The following RANBP2 variants were observed in gnomAD, a reference collection of about 807,000 sequenced individuals.
RANBP2 encodes RAN binding protein 2.
Under a neutral mutation model 303.6 loss-of-function variants are expected in RANBP2, and 57 were observed. That is an observed-to-expected ratio of 0.19 (90% CI 0.15 to 0.23). RANBP2 has a LOEUF of 0.23. Ranked by LOEUF, RANBP2 falls within the 10% of genes least tolerant of loss-of-function variation. RANBP2 has a pLI of 1.00. For synonymous variants in RANBP2, 1,167 were observed against 1,301.5 expected, an observed-to-expected ratio of 0.90 and a Z score of 2.23; for missense variants, 3,138 against 3,780.8, an observed-to-expected ratio of 0.83 and a Z score of 4.46.
the RANBP2 span, among the ~76,000 whole-genome samples, chr2:109,518,342 C>A: frequency 6.6e-6 from 1 of 152,196 alleles, no homozygotes; most frequent in Non-Finnish European, 1.5e-5. Context: ...CATCATCTCA[C>A]TTTACAAGCA....
the RANBP2 span, among the ~76,000 whole-genome samples, chr2:109,224,513 G>A: frequency 6.6e-6 from 1 of 152,182 alleles, no homozygotes; most frequent in Non-Finnish European, 1.5e-5. Flanking sequence ...CCAGCCACAG[G>A]TGACTACTGA....
the RANBP2 span, chr2:108,897,018 G>A: frequency 1.2e-6 from 2 of 1,614,044 alleles, no homozygotes; most frequent in South Asian, 1.1e-5. Flanking sequence ...CCAGTTTTGT[G>A]AGTAGCTCAG....
the RANBP2 span, among the ~76,000 whole-genome samples, chr2:109,496,244 C>T: frequency 6.6e-6 from 1 of 152,058 alleles, no homozygotes; most frequent in Non-Finnish European, 1.5e-5. Flanking sequence ...TTTTACAGAG[C>T]ACTAATTGCT....
chr2:109,390,039 A>G, the RANBP2 span, among the ~76,000 whole-genome samples: 1 of 152,150 alleles, frequency 6.6e-6, no homozygotes, highest in African/African-American at 2.4e-5. Context: ...CTCAGGTTAA[A>G]AATGGCCAGA....
the RANBP2 span, among the ~76,000 whole-genome samples, chr2:109,707,194 T>C: frequency 6.6e-6 from 1 of 152,226 alleles, no homozygotes; most frequent in African/African-American, 2.4e-5. Context: ...TTGCAGGAAA[T>C]TGATGTTTAC....
the RANBP2 span, among the ~76,000 whole-genome samples, chr2:109,669,250 C>G: frequency 6.6e-6 from 1 of 152,264 alleles, no homozygotes; most frequent in South Asian, 2.1e-4. Flanking sequence ...TGGAAACACT[C>G]CAAGACACTG....
chr2:109,439,438 A>C, the RANBP2 span, among the ~76,000 whole-genome samples: 1 of 152,168 alleles, frequency 6.6e-6, no homozygotes, highest in South Asian at 2.1e-4. Context: ...GAGAAAAAAC[A>C]CTGTTGACAG....
chr2:108,948,946 C>T, the RANBP2 span, among the ~76,000 whole-genome samples: 1 of 152,074 alleles, frequency 6.6e-6, no homozygotes. Flanking sequence ...AGTGAGACCC[C>T]CATCACTAAA....
chr2:109,638,344 T>G, the RANBP2 span, among the ~76,000 whole-genome samples: 3 of 152,154 alleles, frequency 2.0e-5, no homozygotes, highest in Non-Finnish European at 2.9e-5. Flanking sequence ...TCTCTGAAAA[T>G]AGTTTCAAAT....
At chr2:109,108,621 T>C in the RANBP2 span, among the ~76,000 whole-genome samples, 1 of 152,200 alleles carries the variant, frequency 6.6e-6, no homozygotes, top group East Asian at 1.9e-4. Flanking sequence ...ACGTTTCTCT[T>C]GTGCCAACCC....
At chr2:109,035,480 C>A in the RANBP2 span, among the ~76,000 whole-genome samples, 5 of 151,694 alleles carry the variant, frequency 3.3e-5, no homozygotes, top group African/African-American at 4.8e-5. Flanking sequence ...TTCCTTATCA[C>A]CCCCCACCCC....
chr2:108,761,519 C>G (rs1289761715), intron 18 of RANBP2, among the ~76,000 whole-genome samples: 1 of 152,158 alleles, frequency 6.6e-6, no homozygotes, highest in Non-Finnish European at 1.5e-5. Context: ...ACACACAAAA[C>G]AGAGGGAGCA....
chr2:109,353,865 G>A, the RANBP2 span, among the ~76,000 whole-genome samples: 5 of 152,076 alleles, frequency 3.3e-5, no homozygotes, highest in Admixed American at 2.0e-4. Flanking sequence ...ACCTGTGGCC[G>A]CAGGTTCCCC....
At chr2:109,439,793 G>C in the RANBP2 span, among the ~76,000 whole-genome samples, 2 of 151,900 alleles carry the variant, frequency 1.3e-5, no homozygotes, top group African/African-American at 2.4e-5. Context: ...TGGAAACAGA[G>C]GAAAACCAGA....
the RANBP2 span, among the ~76,000 whole-genome samples, chr2:109,657,564 ATTTT>A: frequency 7.3e-6 from 1 of 137,348 alleles, no homozygotes; most frequent in East Asian, 2.2e-4. Context: ...TGTAATATTT[ATTTT>A]AAGTTGGAGT....
chr2:109,445,870 C>T, the RANBP2 span, among the ~76,000 whole-genome samples: 7 of 152,024 alleles, frequency 4.6e-5, no homozygotes, highest in Non-Finnish European at 1.5e-5. Flanking sequence ...TATTCATTCC[C>T]CTATCATTTA....
the RANBP2 span, among the ~76,000 whole-genome samples, chr2:109,536,666 T>C: frequency 6.6e-6 from 1 of 152,078 alleles, no homozygotes; most frequent in Non-Finnish European, 1.5e-5. Flanking sequence ...GGTTTTGAAA[T>C]GTGAGGATGT....
At chr2:109,415,709 G>T in the RANBP2 span, among the ~76,000 whole-genome samples, 1 of 152,238 alleles carries the variant, frequency 6.6e-6, no homozygotes, top group Middle Eastern at 3.4e-3. Context: ...ATCCCGTGGG[G>T]ATACTGCCCC....
the RANBP2 span, among the ~76,000 whole-genome samples, chr2:108,973,292 C>T: frequency 5.9e-3 from 893 of 151,894 alleles, 4 homozygotes; most frequent in Middle Eastern, 0.01. Flanking sequence ...CTGGCCTCAG[C>T]ATGTGTGTAT....
Sources: gnomAD v4.1 joint callset for allele counts (sites outside exome capture counted in the v4.1 genomes callset) on GRCh38, gnomAD v4.1.1 for gene constraint, MANE v1.5 for transcripts, NCBI Gene and HGNC (gene_info 2026-07-23, HGNC 2026-07-21) for gene names.